SH3RF3: variants seen among roughly 807,000 people sequenced by gnomAD.
SH3RF3 encodes the protein SH3 domain containing ring finger 3, also known as E3 ubiquitin-protein ligase SH3RF3.
In SH3RF3, 29 loss-of-function variants were observed where a neutral mutation model predicts 66.3. The observed-to-expected ratio is 0.44, with a 90% CI of 0.33 to 0.60. The LOEUF is 0.60. SH3RF3 is among the 20% of genes least tolerant of loss of function. The pLI, the probability that SH3RF3 is intolerant of heterozygous loss-of-function variation, is 0.04. For missense variants in SH3RF3, 1,194 were observed against 1,190.9 expected, an observed-to-expected ratio of 1.00 and a Z score of -0.04; for synonymous variants, 583 against 532.0, an observed-to-expected ratio of 1.10 and a Z score of -1.32.
intron 1 of SH3RF3, among the ~76,000 whole-genome samples, chr2:109,159,635 T>G (rs992722108): frequency 6.6e-6 from 1 of 152,214 alleles, no homozygotes; most frequent in African/African-American, 2.4e-5. Context: ...TGTTAGGAAC[T>G]GGGTTGCACA....
intron 1 of SH3RF3, among the ~76,000 whole-genome samples, chr2:109,257,900 G>A (rs6718668): frequency 0.11 from 17,078 of 152,098 alleles, 1,533 homozygotes; most frequent in East Asian, 0.32. Flanking sequence ...TGACACCAGG[G>A]CCAGGGCTGT....
At chr2:109,144,036 C>T (rs1391970999) in intron 1 of SH3RF3, among the ~76,000 whole-genome samples, 7 of 152,070 alleles carry the variant, frequency 4.6e-5, no homozygotes, top group East Asian at 1.9e-4. Flanking sequence ...AAGGTGGTTA[C>T]GAGGCGCCGG....
chr2:109,496,542 G>A (rs1422451622), intron 9 of SH3RF3, among the ~76,000 whole-genome samples: 1 of 152,224 alleles, frequency 6.6e-6, no homozygotes, highest in African/African-American at 2.4e-5. Context: ...CAGTGAGGGT[G>A]AGGGCACCTG....
intron 1 of SH3RF3, among the ~76,000 whole-genome samples, chr2:109,140,630 C>CTCA (rs1207350547): frequency 6.6e-6 from 1 of 152,216 alleles, no homozygotes; most frequent in Non-Finnish European, 1.5e-5. Flanking sequence ...ATCCACCTGC[C>CTCA]TCAGCCTCCC....
intron 1 of SH3RF3, among the ~76,000 whole-genome samples, chr2:109,201,805 A>G (rs895202631): frequency 3.4e-4 from 52 of 152,314 alleles, no homozygotes; most frequent in African/African-American, 1.2e-3. Context: ...AATGCTGCTC[A>G]GCTGATCTCT....
chr2:109,253,181 C>A (rs531909007), intron 1 of SH3RF3, among the ~76,000 whole-genome samples: 1 of 152,274 alleles, frequency 6.6e-6, no homozygotes, highest in African/African-American at 2.4e-5. Flanking sequence ...CTACGTGCCA[C>A]CATGCCTGGC....
chr2:109,385,366 C>T (rs1296264295), intron 3 of SH3RF3, among the ~76,000 whole-genome samples: 2 of 152,248 alleles, frequency 1.3e-5, no homozygotes, highest in African/African-American at 2.4e-5. Flanking sequence ...TCCCCTGAGT[C>T]ACCTCCCATG....
intron 1 of SH3RF3, among the ~76,000 whole-genome samples, chr2:109,343,117 T>C (rs1682594654): frequency 6.6e-6 from 1 of 152,114 alleles, no homozygotes; most frequent in Admixed American, 6.5e-5. Context: ...TGGGTGGGTG[T>C]GGAGGCTGGG....
At chr2:109,362,487 GGT>G (rs1250990594) in intron 2 of SH3RF3, among the ~76,000 whole-genome samples, 12 of 152,148 alleles carry the variant, frequency 7.9e-5, no homozygotes, top group African/African-American at 2.2e-4. Flanking sequence ...ACCAGAATAT[GGT>G]CTGTCCTGGT....
intron 1 of SH3RF3, among the ~76,000 whole-genome samples, chr2:109,213,298 T>G (rs775201063): frequency 2.6e-5 from 4 of 152,202 alleles, no homozygotes; most frequent in Non-Finnish European, 4.4e-5. Context: ...CCCTGGTGTG[T>G]CCATAGCATA....
chr2:109,472,352 C>T (rs551046754), intron 8 of SH3RF3, among the ~76,000 whole-genome samples: 5 of 136,768 alleles, frequency 3.7e-5, no homozygotes, highest in South Asian at 2.4e-4. Flanking sequence ...GGTCTCGGGC[C>T]GGTGTGCATG....
At chr2:109,249,536 C>CT (rs1273437959) in intron 1 of SH3RF3, among the ~76,000 whole-genome samples, 10 of 74,100 alleles carry the variant, frequency 1.3e-4, no homozygotes, top group East Asian at 3.7e-4. Flanking sequence ...TCTTTCTTTC[C>CT]TTCCTTCCTT....
rs537596041 is a variant in SH3RF3 at position 109,331,316 on chromosome 2, T to C, written c.574-16358T>C. On this transcript the variant is annotated intron_variant, in intron 1 of 9. Coordinates refer to ENST00000309415, the MANE Select transcript of SH3RF3 (RefSeq NM_001099289.3). ...TTGGCCATCAAATGAGTTCCTCATTTGCAATCAATTAACAGCCACCTGGCC... is the reference window on the plus strand; with the variant it reads ...TTGGCCATCAAATGAGTTCCTCATTCGCAATCAATTAACAGCCACCTGGCC... Among the ~76,000 whole-genome samples, 26 of 152,268 alleles carry C rather than the reference T, an allele frequency of 1.7e-4. No homozygotes were observed. The South Asian group carries it at 5.2e-3, about 30-fold the overall frequency.
At chr2:109,193,034 C>G (rs748296636) in intron 1 of SH3RF3, among the ~76,000 whole-genome samples, 1 of 152,226 alleles carries the variant, frequency 6.6e-6, no homozygotes, top group Non-Finnish European at 1.5e-5. Context: ...GATCCATCAA[C>G]AGATGTCAAT....
Position 109,154,188 on chromosome 2 carries a change from G to A in SH3RF3, c.573+24075G>A, listed in dbSNP as rs1464556945. Among the ~76,000 whole-genome samples the A allele has an allele frequency of 3.3e-5, 5 of 152,226 alleles. No individual in the cohort carries two copies. In the South Asian group the frequency reaches 6.2e-4, roughly 19 times the overall value. ...TGTCATCCCTACATGGGGCTCAGCA[G>A]ATGGGTCTAATCAGGCCTAGCATCC... On this transcript the variant is annotated intron_variant, in intron 1 of 9. Coordinates refer to ENST00000309415, the MANE Select transcript of SH3RF3 (RefSeq NM_001099289.3).
intron 6 of SH3RF3, among the ~76,000 whole-genome samples, chr2:109,434,032 A>T (rs527321103): frequency 6.6e-6 from 1 of 152,312 alleles, no homozygotes; most frequent in South Asian, 2.1e-4. Flanking sequence ...TTCCCATGCC[A>T]GTAGGAACAG....
chr2:109,430,602 G>A (rs189728121), intron 5 of SH3RF3, among the ~76,000 whole-genome samples: 4 of 151,838 alleles, frequency 2.6e-5, no homozygotes, highest in African/African-American at 7.3e-5. Flanking sequence ...CAGCTTCCCT[G>A]CACAATACAC....
chr2:109,353,737 G>C (rs1003000894), intron 2 of SH3RF3, among the ~76,000 whole-genome samples: 7 of 152,202 alleles, frequency 4.6e-5, no homozygotes, highest in Non-Finnish European at 2.9e-5. Context: ...TAGGCACTCA[G>C]AACCCAAAGA....
chr2:109,186,351 C>T lies in SH3RF3; in HGVS notation c.573+56238C>T, dbSNP rs1174496285. On this transcript the variant is annotated intron_variant, in intron 1 of 9. Transcript: ENST00000309415. ...TCCTGCAGATGAAAATGCTGAGGCA[C>T]GGAGAAGTTGAGTATCTTGTGTGAG... Among the ~76,000 whole-genome samples the T allele has an allele frequency of 3.9e-5, 6 of 152,212 alleles. No individual in the cohort carries two copies. In the South Asian group the frequency reaches 6.2e-4, roughly 16 times the overall value.
Sources: gnomAD v4.1 joint callset for allele counts (sites outside exome capture counted in the v4.1 genomes callset) on GRCh38, gnomAD v4.1.1 for gene constraint, MANE v1.5 for transcripts, NCBI Gene and HGNC (gene_info 2026-07-23, HGNC 2026-07-21) for gene names.